CGN: variants seen among roughly 807,000 people sequenced by gnomAD.
CGN encodes the protein cingulin.
A neutral mutation model predicts 157.1 loss-of-function variants in CGN; 121 were observed. The ratio of observed to expected loss-of-function variants is 0.77; its 90% CI spans 0.66 to 0.90. The LOEUF is 0.90. Ranked by LOEUF, CGN falls within the 40% of genes least tolerant of loss-of-function variation. CGN has a pLI of 0.00. For missense variants in CGN, 1,424 were observed against 1,520.9 expected (o/e 0.94, Z 1.06); for synonymous variants, 535 against 607.5 (o/e 0.88, Z 1.76).
At chr1:151,516,970 G>A (rs1664428681) in intron 1 of CGN, among the ~76,000 whole-genome samples, 1 of 151,338 alleles carries the variant, frequency 6.6e-6, no homozygotes, top group African/African-American at 2.4e-5. Context: ...GACCAGCCTG[G>A]CCAATATGGT....
At chr1:151,522,739 C>A (rs907701867) in intron 5 of CGN, among the ~76,000 whole-genome samples, 6 of 151,884 alleles carry the variant, frequency 4.0e-5, no homozygotes, top group Non-Finnish European at 7.4e-5. Flanking sequence ...CATGGAGAAA[C>A]CCTGTCTCTA....
chr1:151,536,825 G>A lies in CGN; in HGVS notation c.3402G>A (p.Glu1134=). 1 of 1,614,204 alleles carries A rather than the reference G, an allele frequency of 6.2e-7. No individual in the cohort carries two copies. The highest frequency in any genetic ancestry group is 1.7e-4 in the Middle Eastern group (1 of 6,060). ...GCCTGAGGAAGAAGGCCCAGCGTGAGGTGGAGGAGCAGCATGAGGTCAATG... is the reference window on the plus strand; with the variant it reads ...GCCTGAGGAAGAAGGCCCAGCGTGAAGTGGAGGAGCAGCATGAGGTCAATG... ...LDGLRKKAQR[E]VEEQHEVNEQ... Residue 1134 remains glutamate (E), a synonymous_variant, in exon 20 of 21, where the codon GAG becomes GAA. Transcript: ENST00000271636.
intron 5 of CGN, among the ~76,000 whole-genome samples, chr1:151,521,680 A>G (rs1187237592): frequency 2.0e-5 from 3 of 152,088 alleles, no homozygotes; most frequent in Non-Finnish European, 4.4e-5. Flanking sequence ...CTCTACTAAA[A>G]ATACAAAATT....
upstream of CGN, among the ~76,000 whole-genome samples, chr1:151,511,224 GCCCTTCGCGGCTGGAGA>G (rs1664276196): frequency 1.3e-5 from 2 of 152,174 alleles, no homozygotes; most frequent in Admixed American, 1.3e-4. The surrounding 1 kb of genome is among the most constrained non-coding windows in gnomAD (Gnocchi z 4.8). Flanking sequence ...GACCTGGCCC[GCCCTTCGCGGCTGGAGA>G]CCCCGGGTCC....
intron 5 of CGN, among the ~76,000 whole-genome samples, chr1:151,522,864 A>G (rs1664571998): frequency 6.6e-6 from 1 of 151,876 alleles, no homozygotes. Context: ...CGGTGAGCTG[A>G]GATCTCGCCA....
chr1:151,510,172 C>T (rs1664251188), upstream of CGN, among the ~76,000 whole-genome samples: 1 of 151,700 alleles, frequency 6.6e-6, no homozygotes, highest in African/African-American at 2.4e-5. Flanking sequence ...AGAGACTTTG[C>T]ATCCCAGCTG....
In CGN at chr1:151,525,785, G is replaced by A; in HGVS notation, c.1758G>A (p.Lys586=). The change falls in exon 9 of 21, where the codon AAG becomes AAA. Residue 586 remains lysine, a synonymous_variant. Coordinates refer to ENST00000271636, the MANE Select transcript of CGN (RefSeq NM_020770.3). The stretch of plus-strand genomic sequence containing the variant: ...ACAAGGAGGATCTTAGAGCCACCAA[G>A]CAGGAGTAAGGACATTGGCCCTCTC... ...QKNKEDLRAT[K]QELLQLRMEK... 6.3e-7 allele frequency: 1 copy of A among 1,597,248 alleles called. No individual in the cohort carries two copies. The highest frequency in any genetic ancestry group is 8.5e-7 in the Non-Finnish European group (1 of 1,171,368).
Position 151,530,361 on chromosome 1 carries a change from A to G in CGN, c.2314-128A>G, listed in dbSNP as rs188599841. The G allele has an allele frequency of 1.1e-5, 13 of 1,189,316 alleles. No individual in the cohort carries two copies. The Admixed American group carries it at 2.8e-4, about 25-fold the overall frequency. 73.7% of individuals were successfully genotyped at this position (1,189,316 alleles called of 1,614,324 possible). A position where few individuals can be genotyped will look rare whatever the true frequency, so the allele number is the denominator to read the frequency against. On this transcript the variant is annotated intron_variant, in intron 12 of 20. Coordinates refer to ENST00000271636, the MANE Select transcript of CGN (RefSeq NM_020770.3). ...CTCTATGTGTCCTGATTTCTTTGCTAGGAGCCTGTTTTCATTGCACATCAT... is the reference window on the plus strand; with the variant it reads ...CTCTATGTGTCCTGATTTCTTTGCTGGGAGCCTGTTTTCATTGCACATCAT...
rs1664638608 is a variant in CGN, at chr1:151,524,981, C to A, written c.1614+95C>A. 1 of 970,602 alleles carries A rather than the reference C, an allele frequency of 1.0e-6. No individual in the cohort carries two copies. Among genetic ancestry groups the A allele is most frequent in the Non-Finnish European group, 1.6e-6 (1 of 640,234 alleles). The allele number at this position is 970,602 out of a possible 1,614,324, so 60.1% of individuals were successfully genotyped here. A position where few individuals can be genotyped will look rare whatever the true frequency, so the allele number is the denominator to read the frequency against. Reference sequence around the variant, plus strand: ...ACTTTTGGACTTTTCATGGTTGCAACTGGGAACTCCCCCTCTCCTCCTAAA... The same window carrying A: ...ACTTTTGGACTTTTCATGGTTGCAAATGGGAACTCCCCCTCTCCTCCTAAA... On this transcript the variant is annotated intron_variant, in intron 8 of 20. Coordinates refer to ENST00000271636, the MANE Select transcript of CGN (RefSeq NM_020770.3). The surrounding 1 kb of genome is among the most constrained non-coding windows in gnomAD (Gnocchi z 4.4).
upstream of CGN, among the ~76,000 whole-genome samples, chr1:151,510,277 A>C (rs2102482178): frequency 6.6e-6 from 1 of 152,352 alleles, no homozygotes; most frequent in South Asian, 2.1e-4. Context: ...ATACACCGGA[A>C]TCTGTGCTGC....
intron 18 of CGN, 42 bp from the exon 19 acceptor site, chr1:151,536,194 TA>T (rs1385330478): frequency 9.5e-6 from 12 of 1,265,546 alleles, no homozygotes; most frequent in Non-Finnish European, 1.4e-5. Flanking sequence ...AGGATTCCCT[TA>T]GAAATGGGGA....
chr1:151,530,383 T>C, intron 12 of CGN, 106 bp from the exon 13 acceptor site: 5 of 1,361,256 alleles, frequency 3.7e-6, no homozygotes, highest in African/African-American at 1.5e-5. Context: ...TCATTGCACA[T>C]CATTTTCATA....
At chr1:151,513,336 G>A (rs1024837600) in intron 1 of CGN, among the ~76,000 whole-genome samples, 1 of 152,168 alleles carries the variant, frequency 6.6e-6, no homozygotes, top group Non-Finnish European at 1.5e-5. Context: ...TACTGGCCAA[G>A]CAGCTGTAGC....
rs573810509 is a variant in CGN at position 151,529,314 on chromosome 1, T to C, written c.1897-36T>C. 113 of 1,577,944 alleles carry C rather than the reference T, an allele frequency of 7.2e-5. 1 individual carries two copies. In the East Asian group the frequency reaches 2.5e-3, roughly 35 times the overall value. On this transcript the variant is annotated intron_variant, in intron 10 of 20. Coordinates refer to ENST00000271636, the MANE Select transcript of CGN (RefSeq NM_020770.3). ...CCACATTCAGGTATCTTAGTCTGGCTCTGGGTGCCCCATCACCATTCCCGT... is the reference window on the plus strand; with the variant it reads ...CCACATTCAGGTATCTTAGTCTGGCCCTGGGTGCCCCATCACCATTCCCGT...
chr1:151,527,806 T>TACAC (rs1483680385), intron 10 of CGN: 4 of 57,970 alleles, frequency 6.9e-5, no homozygotes, highest in East Asian at 8.8e-4. Context: ...ATTTTGGTTT[T>TACAC]ATACACACAC....
chr1:151,536,764 T>G lies in CGN; in HGVS notation c.3341T>G (p.Val1114Gly). Reference protein sequence around the residue: ...SLRVKALKRQVDEAEEEIERL... With the variant: ...SLRVKALKRQGDEAEEEIERL... ...AGGGTGAAGGCTTTGAAGCGTCAGG[T>G]GGATGAAGCAGAAGAGGAAATTGAG... Residue 1114 changes from valine (V) to glycine (G), a missense_variant, in exon 20 of 21, where the codon GTG becomes GGG. Val to Gly is a moderately radical substitution (Grantham distance 109). This residue lies in a region of CGN where 199 missense variants were observed against 272.2 expected (regional missense o/e 0.73). Coordinates refer to ENST00000271636, the MANE Select transcript of CGN (RefSeq NM_020770.3). 6.2e-7 allele frequency: 1 copy of G among 1,613,814 alleles called. No homozygotes were observed. The highest frequency in any genetic ancestry group is 8.5e-7 in the Non-Finnish European group (1 of 1,179,958).
In CGN at chr1:151,536,415, A is replaced by G. The variant is rs552056011; in HGVS notation, c.3306+70A>G. ...ATATTATATGTTTTCCTGAAAGCCAAGGGAGGCCCTTATCTCCTATAGGTC... is the reference window on the plus strand; with the variant it reads ...ATATTATATGTTTTCCTGAAAGCCAGGGGAGGCCCTTATCTCCTATAGGTC... On this transcript the variant is annotated intron_variant, in intron 19 of 20. Transcript: ENST00000271636. 11 of 892,386 alleles carry G rather than the reference A, an allele frequency of 1.2e-5. No homozygotes were observed. In the East Asian group the frequency reaches 1.5e-4, roughly 12 times the overall value. 55.3% of individuals were successfully genotyped at this position (892,386 alleles called of 1,614,324 possible). A position where few individuals can be genotyped will look rare whatever the true frequency, so the allele number is the denominator to read the frequency against.
At chr1:151,529,111 G>A (rs534289060) in intron 10 of CGN, among the ~76,000 whole-genome samples, 13 of 152,270 alleles carry the variant, frequency 8.5e-5, no homozygotes, top group South Asian at 6.2e-4. Flanking sequence ...ATGAACATTC[G>A]CGTATAAGTT....
chr1:151,533,418 G>T (rs982684698), intron 14 of CGN, among the ~76,000 whole-genome samples: 14 of 152,012 alleles, frequency 9.2e-5, no homozygotes, highest in African/African-American at 2.4e-5. Flanking sequence ...GGAGGTTGCA[G>T]TGAGCCGCGA....
Sources: allele counts gnomAD v4.1 joint callset (sites outside exome capture counted in the v4.1 genomes callset), GRCh38; gene constraint gnomAD v4.1.1; regional missense constraint gnomAD v4.1.1; non-coding constraint Gnocchi (gnomAD v3.1); transcripts MANE v1.5; gene names NCBI Gene and HGNC (gene_info 2026-07-23, HGNC 2026-07-21).